ATP2B1: variants seen among roughly 807,000 people sequenced by gnomAD.
ATP2B1 encodes the protein plasma membrane calcium-transporting ATPase 1.
In ATP2B1, 14 loss-of-function variants were observed where a neutral mutation model predicts 124.2. The ratio of observed to expected loss-of-function variants is 0.11; its 90% confidence interval spans 0.07 to 0.18. ATP2B1 has a LOEUF of 0.18. ATP2B1 is among the 10% of genes least tolerant of loss of function. The pLI is 1.00. For missense variants in ATP2B1, 763 were observed against 1,466.1 expected (o/e 0.52, Z 7.83); for synonymous variants, 449 against 492.4 (o/e 0.91, Z 1.17).
intron 1 of ATP2B1, among the ~76,000 whole-genome samples, chr12:89,684,443 T>C (rs1418749072): frequency 2.6e-5 from 4 of 152,198 alleles, no homozygotes; most frequent in Admixed American, 6.5e-5. Context: ...TAAACTGGAC[T>C]GGAAGTGGAG....
intron 12 of ATP2B1, among the ~76,000 whole-genome samples, chr12:89,615,908 A>G (rs992484033): frequency 6.6e-6 from 1 of 150,752 alleles, no homozygotes; most frequent in Admixed American, 6.7e-5. Flanking sequence ...TCTGCCAAAT[A>G]AGAGTAATAA....
intron 19 of ATP2B1, among the ~76,000 whole-genome samples, chr12:89,599,964 A>G (rs1875472503): frequency 6.6e-6 from 1 of 152,166 alleles, no homozygotes; most frequent in Non-Finnish European, 1.5e-5. Context: ...TCAGCTACAG[A>G]ATTCTGCTTG....
chr12:89,642,523 A>G (rs1023439189), intron 2 of ATP2B1, among the ~76,000 whole-genome samples, 168 bp from the exon 3 acceptor site: 5 of 152,204 alleles, frequency 3.3e-5, no homozygotes, highest in African/African-American at 1.2e-4. Flanking sequence ...GCAGGTCTTT[A>G]AAAGAACACT....
Position 89,599,196 on chromosome 12 carries a change from TCAA to T in ATP2B1, c.3269_3271del (p.Val1090del). 1 of 1,614,184 alleles carries T rather than the reference TCAA, an allele frequency of 6.2e-7. No homozygotes were observed. The highest frequency in any genetic ancestry group is 8.5e-7 in the Non-Finnish European group (1 of 1,180,028). On this transcript the variant is annotated inframe_deletion, in exon 20 of 21. Coordinates refer to ENST00000428670, the MANE Select transcript of ATP2B1 (RefSeq NM_001366521.1). Reference sequence around the variant, plus strand: ...CTCCCTTTCAGCGTGATCAATCTCTTCAACATCCTCTGCTAATTCCTCCTCAGG... The same window carrying T: ...CTCCCTTTCAGCGTGATCAATCTCTTCATCCTCTGCTAATTCCTCCTCAGG...
chr12:89,644,161 A>T (rs990772154), intron 2 of ATP2B1, among the ~76,000 whole-genome samples: 4 of 152,124 alleles, frequency 2.6e-5, no homozygotes, highest in Non-Finnish European at 4.4e-5. Context: ...AATGCTAGAG[A>T]AGAAGGCAGA....
chr12:89,641,898 T>C (rs549385394), intron 3 of ATP2B1: 334 of 385,620 alleles, frequency 8.7e-4, no homozygotes, highest in South Asian at 4.3e-3. Flanking sequence ...ATACATGGCA[T>C]AGGTCTGTGC....
intron 1 of ATP2B1, among the ~76,000 whole-genome samples, chr12:89,694,301 T>TA (rs980152149): frequency 3.3e-5 from 5 of 152,294 alleles, no homozygotes; most frequent in East Asian, 3.9e-4. Context: ...ACCTTAATTT[T>TA]AAAAAATCCC....
At chr12:89,621,939 T>A (rs909706827) in intron 9 of ATP2B1, 148 bp from the exon 10 acceptor site, 35 of 379,354 alleles carry the variant, frequency 9.2e-5, no homozygotes, top group Admixed American at 3.5e-4. Context: ...AATACTGAAA[T>A]TTTTTTTTTT....
intron 3 of ATP2B1, among the ~76,000 whole-genome samples, chr12:89,641,597 T>C (rs547173941): frequency 1.3e-5 from 2 of 152,352 alleles, no homozygotes; most frequent in South Asian, 4.1e-4. Context: ...TGTGGCATCA[T>C]GTCGGCACTC....
chr12:89,616,192 G>C (rs530089490), intron 12 of ATP2B1, among the ~76,000 whole-genome samples: 1 of 152,056 alleles, frequency 6.6e-6, no homozygotes, highest in African/African-American at 2.4e-5. Flanking sequence ...TAGTACCTTA[G>C]GATAGTGCCT....
At position 89,601,380 on chromosome 12, in the gene ATP2B1, T is replaced by C. The variant is rs758857340; in HGVS notation, c.3114A>G (p.Ile1038Met). The C allele has an allele frequency of 5.1e-6, 8 of 1,576,940 alleles. No homozygotes were observed. The highest frequency in any genetic ancestry group is 1.7e-4 in the Middle Eastern group (1 of 5,968). ...GKPFSCSELS[I>M]EQWLWSIFLG... ...GGAATATTGACCATAGCCACTGTTC[T>C]ATTGAAAGTTCTGAACAACTGAAAG... Residue 1038 changes from isoleucine (I) to methionine (M), a missense_variant, in exon 19 of 21, where the codon ATA becomes ATG. Physicochemically the swap from Ile to Met is conservative, Grantham distance 10 (BLOSUM62 1). This residue lies in a region of ATP2B1 where 118 missense variants were observed against 240.3 expected (regional missense o/e 0.49). Transcript: ENST00000428670.
intron 1 of ATP2B1, among the ~76,000 whole-genome samples, chr12:89,658,438 T>C (rs977243005): frequency 2.0e-5 from 3 of 152,128 alleles, no homozygotes; most frequent in Non-Finnish European, 4.4e-5. Flanking sequence ...GGAGTAGAGG[T>C]AAATAATTGC....
At chr12:89,678,691 T>C (rs748866624) in intron 1 of ATP2B1, among the ~76,000 whole-genome samples, 3 of 152,174 alleles carry the variant, frequency 2.0e-5, no homozygotes, top group Non-Finnish European at 2.9e-5. Flanking sequence ...TAAGAAGCAA[T>C]TGAACCTGTA....
chr12:89,651,797 A>G (rs1291597071), intron 2 of ATP2B1, among the ~76,000 whole-genome samples: 3 of 152,236 alleles, frequency 2.0e-5, no homozygotes, highest in Non-Finnish European at 4.4e-5. Context: ...TGAAGCCAGA[A>G]TAAGACTGGA....
intron 15 of ATP2B1, among the ~76,000 whole-genome samples, chr12:89,604,706 A>C (rs189203372): frequency 5.5e-4 from 83 of 152,290 alleles, no homozygotes; most frequent in Non-Finnish European, 9.6e-4. Context: ...ATTCTACCAA[A>C]AAACAAACAA....
At chr12:89,619,625 A>AT (rs992422491) in intron 11 of ATP2B1, among the ~76,000 whole-genome samples, 2 of 151,502 alleles carry the variant, frequency 1.3e-5, no homozygotes, top group African/African-American at 2.4e-5. Flanking sequence ...AAATAAAAAA[A>AT]AAAAAAAAAA....
At chr12:89,705,513 G>C (rs1467771479) in intron 1 of ATP2B1, among the ~76,000 whole-genome samples, 1 of 152,050 alleles carries the variant, frequency 6.6e-6, no homozygotes, top group Admixed American at 6.5e-5. Flanking sequence ...ATATTATTTT[G>C]TTCAATATTA....
intron 1 of ATP2B1, among the ~76,000 whole-genome samples, chr12:89,685,259 T>C (rs573993692): frequency 6.6e-6 from 1 of 152,258 alleles, no homozygotes; most frequent in South Asian, 2.1e-4. Context: ...CAGAAGTGCT[T>C]GCTTTTAACC....
intron 15 of ATP2B1, among the ~76,000 whole-genome samples, chr12:89,606,899 T>A (rs1164060237): frequency 6.6e-6 from 1 of 152,086 alleles, no homozygotes; most frequent in Non-Finnish European, 1.5e-5. Context: ...TTTAACACAC[T>A]TAAACTCAAT....
Sources: allele counts gnomAD v4.1 joint callset (sites outside exome capture counted in the v4.1 genomes callset), GRCh38; gene constraint gnomAD v4.1.1; regional missense constraint gnomAD v4.1.1; transcripts MANE v1.5; gene names NCBI Gene and HGNC (gene_info 2026-07-23, HGNC 2026-07-21).